Variants in SERPINB6 observed in about 807,000 individuals in gnomAD.
SERPINB6 encodes the protein serpin family B member 6, also known as serpin B6.
A neutral mutation model predicts 26.1 loss-of-function variants in SERPINB6; 16 were observed. The observed-to-expected ratio is 0.61, with a 90% CI of 0.42 to 0.93. The LOEUF (loss-of-function observed/expected upper bound fraction) is 0.93. Ranked by LOEUF, SERPINB6 falls within the 40% of genes least tolerant of loss-of-function variation. The pLI is 0.00. For missense variants in SERPINB6, 420 were observed against 478.0 expected (o/e 0.88, Z 1.13); for synonymous variants, 174 against 176.6 (o/e 0.99, Z 0.11).
chr6:2,968,481 A>G, intron 1 of SERPINB6: 1 of 1,066,588 alleles, frequency 9.4e-7, no homozygotes, highest in Non-Finnish European at 1.1e-6. Flanking sequence ...AAAAAGAAGA[A>G]ATCATATAAA....
chr6:2,957,861 A>G (rs3799200), intron 2 of SERPINB6: 119,081 of 152,904 alleles, frequency 0.78, 46,808 homozygotes, highest in East Asian at 0.93. Context: ...CAGGGCAGCA[A>G]CGGACAAGGG....
Position 2,954,721 on chromosome 6 carries a change from A to G in SERPINB6, c.313-12T>C, listed in dbSNP as rs1476548076. ...GAATCTCTAAAAGACTAGGATAGAC[A>G]GAGTGACATAACTGCCTGGCTACAA... is the stretch of plus-strand genomic sequence containing the variant. On this transcript the variant is annotated splice_polypyrimidine_tract_variant and intron_variant, in intron 3 of 6. Transcript: ENST00000380539. 7 of 1,587,680 alleles carry G rather than the reference A, an allele frequency of 4.4e-6. No homozygotes were observed. The Admixed American group carries it at 5.0e-5, about 11-fold the overall frequency.
chr6:2,948,368 G>A lies in SERPINB6; in HGVS notation c.1061C>T (p.Pro354Leu). Residue 354 changes from proline (P) to leucine (L), a missense_variant, in exon 7 of 7, where the codon CCC (proline) becomes CTC (leucine). Coordinates refer to ENST00000380539, the MANE Select transcript of SERPINB6 (RefSeq NM_004568.6). The surrounding 1 kb of genome is among the most constrained non-coding windows in gnomAD (Gnocchi z 5.0). ...GCTGTGCTGGATGAAGAAAAGGAAG[G>A]GGTGGTCGGCGCAGAAGCGGGGGAC... is the stretch of plus-strand genomic sequence containing the variant. ...RFVPRFCADH[P>L]FLFFIQHSKT... 6.2e-7 allele frequency: 1 copy of A among 1,614,136 alleles called. No homozygotes were observed. Among genetic ancestry groups the A allele is most frequent in the Non-Finnish European group, 8.5e-7 (1 of 1,180,026 alleles).
At chr6:2,951,952 C>T (rs184604045) in intron 5 of SERPINB6, among the ~76,000 whole-genome samples, 110 of 152,340 alleles carry the variant, frequency 7.2e-4, no homozygotes, top group South Asian at 1.2e-3. Flanking sequence ...CATCTTGTGA[C>T]CATGAGGAAG....
intron 1 of SERPINB6, chr6:2,959,872 C>T (rs987351330): frequency 5.4e-4 from 102 of 189,442 alleles, no homozygotes; most frequent in African/African-American, 2.4e-3. Flanking sequence ...TACAAAGATG[C>T]GTGAAAGCCT....
At chr6:2,969,908 G>A (rs928133370) in intron 1 of SERPINB6, 10 of 779,036 alleles carry the variant, frequency 1.3e-5, no homozygotes, top group East Asian at 1.3e-4. Flanking sequence ...AGGCCAAGGC[G>A]GGCAGATCAC....
chr6:2,956,270 CA>C (rs935907168), intron 2 of SERPINB6: 2 of 154,124 alleles, frequency 1.3e-5, no homozygotes, highest in Non-Finnish European at 2.9e-5. Flanking sequence ...CCCCTGACAT[CA>C]GAAGGGGCAG....
At chr6:2,962,091 G>C in intron 1 of SERPINB6, 1 of 985,402 alleles carries the variant, frequency 1.0e-6, no homozygotes, top group Non-Finnish European at 1.2e-6. Context: ...TCCGTCTCCG[G>C]TAATATCCCG....
intron 1 of SERPINB6, chr6:2,971,007 TCCGCCTCCCGC>T: frequency 8.2e-7 from 1 of 1,217,954 alleles, no homozygotes; most frequent in South Asian, 4.3e-5. Flanking sequence ...TCGGCCTCTC[TCCGCCTCCCGC>T]CCGGCTCCTA....
At chr6:2,949,304 T>C (rs1769510213) in intron 5 of SERPINB6, among the ~76,000 whole-genome samples, 1 of 152,226 alleles carries the variant, frequency 6.6e-6, no homozygotes, top group Non-Finnish European at 1.5e-5. Flanking sequence ...TTCAGTCTCA[T>C]GGCTTTAAAC....
intron 5 of SERPINB6, among the ~76,000 whole-genome samples, chr6:2,951,399 A>AT (rs1769786742): frequency 6.6e-6 from 1 of 151,014 alleles, no homozygotes; most frequent in East Asian, 1.9e-4. Flanking sequence ...AAAAAATAAA[A>AT]AATAAAAAAA....
chr6:2,951,425 T>C (rs2113138637), intron 5 of SERPINB6, among the ~76,000 whole-genome samples: 1 of 150,298 alleles, frequency 6.7e-6, no homozygotes, highest in South Asian at 2.1e-4. Flanking sequence ...TAAGCATGGC[T>C]GTGTTTCAGT....
chr6:2,967,009 C>T lies in SERPINB6; in HGVS notation c.-11+4524G>A. Reference sequence around the variant, plus strand: ...TTCCTCCAGACTGGCTCTTTGTTCTCTTTTTCTGTCAAGTACAAAACTCTT... The same window carrying T: ...TTCCTCCAGACTGGCTCTTTGTTCTTTTTTTCTGTCAAGTACAAAACTCTT... On this transcript the variant is annotated intron_variant, in intron 1 of 6. Coordinates refer to ENST00000380539, the MANE Select transcript of SERPINB6 (RefSeq NM_004568.6). The surrounding 1 kb of genome is among the most constrained non-coding windows in gnomAD (Gnocchi z 4.3). 1.0e-6 allele frequency: 1 copy of T among 985,466 alleles called. No individual in the cohort carries two copies. Among genetic ancestry groups the T allele is most frequent in the South Asian group, 4.7e-5 (1 of 21,286 alleles). The allele number at this position is 985,466 out of a possible 1,614,324, so 61.0% of individuals were successfully genotyped here.
intron 1 of SERPINB6, chr6:2,962,249 G>A: frequency 2.0e-5 from 20 of 978,044 alleles, no homozygotes; most frequent in Non-Finnish European, 2.4e-5. Flanking sequence ...GTGCACATGA[G>A]TTTCACTGTG....
chr6:2,968,534 A>T, intron 1 of SERPINB6: 16 of 1,166,928 alleles, frequency 1.4e-5, no homozygotes, highest in Non-Finnish European at 1.7e-5. Flanking sequence ...TACACTTTTC[A>T]TCATGATATT....
intron 4 of SERPINB6, among the ~76,000 whole-genome samples, chr6:2,953,488 A>T (rs1189571800): frequency 6.6e-6 from 1 of 152,206 alleles, no homozygotes; most frequent in Non-Finnish European, 1.5e-5. Context: ...ACAAGAACTT[A>T]AAGGATTATC....
chr6:2,953,037 T>TTAA lies in SERPINB6; in HGVS notation c.573+6_573+7insTTA. 6.2e-7 allele frequency: 1 copy of TTAA among 1,614,198 alleles called. No individual in the cohort carries two copies. Among genetic ancestry groups the TTAA allele is most frequent in the Non-Finnish European group, 8.5e-7 (1 of 1,180,032 alleles). ...AGGCGCTGCTCCTGTCACGGCCCCTTACTCGCCTTGCTGACTTTAAACAGT... is the reference window on the plus strand; with the variant it reads ...AGGCGCTGCTCCTGTCACGGCCCCTTTAAACTCGCCTTGCTGACTTTAAACAGT... On this transcript the variant is annotated splice_region_variant and intron_variant, in intron 5 of 6. Coordinates refer to ENST00000380539, the MANE Select transcript of SERPINB6 (RefSeq NM_004568.6).
At chr6:2,970,237 C>T (rs1772016141) in intron 1 of SERPINB6, 2 of 985,350 alleles carry the variant, frequency 2.0e-6, no homozygotes, top group South Asian at 4.7e-5. Flanking sequence ...TTTCACTCTA[C>T]TGTTACTGGT....
At chr6:2,949,582 G>A (rs1201528748) in intron 5 of SERPINB6, among the ~76,000 whole-genome samples, 1 of 152,172 alleles carries the variant, frequency 6.6e-6, no homozygotes, top group Non-Finnish European at 1.5e-5. Context: ...CTGACTCACT[G>A]GCAAATTATA....
Sources: gnomAD v4.1 joint callset for allele counts (sites outside exome capture counted in the v4.1 genomes callset) on GRCh38, gnomAD v4.1.1 for gene constraint, Gnocchi (gnomAD v3.1) non-coding constraint, MANE v1.5 for transcripts, NCBI Gene and HGNC (gene_info 2026-07-23, HGNC 2026-07-21) for gene names.